The following PCDHA2 variants were observed in gnomAD, a reference collection of about 807,000 sequenced individuals.
PCDHA2 encodes the protein protocadherin alpha 2.
A neutral mutation model predicts 66.0 loss-of-function variants in PCDHA2; 58 were observed. The ratio of observed to expected loss-of-function variants is 0.88; its 90% CI spans 0.71 to 1.09. The LOEUF is 1.09. Ranked by LOEUF, PCDHA2 falls within the 50% of genes least tolerant of loss-of-function variation. The pLI is 0.00. For synonymous variants in PCDHA2, 634 were observed against 554.0 expected (o/e 1.14, Z -2.03); for missense variants, 1,267 against 1,242.3 (o/e 1.02, Z -0.30).
chr5:140,928,807 C>G (rs782261335), intron 1 of PCDHA2: 1 of 1,614,094 alleles, frequency 6.2e-7, no homozygotes, highest in Admixed American at 1.7e-5. Context: ...GGTAGTGGTT[C>G]GGGACCATGG....
In PCDHA2 at chr5:140,987,930, G is replaced by T. The variant is rs554856826; in HGVS notation, c.2536+5367G>T. Among the ~76,000 whole-genome samples, 18 of 152,196 alleles carry T rather than the reference G, an allele frequency of 1.2e-4. No individual in the cohort carries two copies. The South Asian group carries it at 2.1e-3, about 18-fold the overall frequency. Reference sequence around the variant, plus strand: ...GATTTATATTCTTAATTGTCTCAAGGATTCTTACCTGTCTGACAAAACCAA... The same window carrying T: ...GATTTATATTCTTAATTGTCTCAAGTATTCTTACCTGTCTGACAAAACCAA... On this transcript the variant is annotated intron_variant, in intron 3 of 3. Transcript: ENST00000526136.
At position 140,827,965 on chromosome 5, in the gene PCDHA2, T is replaced by C. The variant is rs2150149938; in HGVS notation, c.2388+30613T>C. ...CCAACATTCAAATTTCTTCTATTAC[T>C]GCATCATTCCCTGACTGTTGAATGA... On this transcript the variant is annotated intron_variant, in intron 1 of 3. Coordinates refer to ENST00000526136, the MANE Select transcript of PCDHA2 (RefSeq NM_018905.3). 6.1e-4 allele frequency: 813 copies of C among 1,335,936 alleles called. 3 individuals carry two copies. The highest frequency in any genetic ancestry group is 2.5e-3 in the South Asian group (173 of 69,782). 82.8% of individuals were successfully genotyped at this position (1,335,936 alleles called of 1,614,324 possible).
At chr5:140,982,711 A>T (rs370595783) in intron 3 of PCDHA2, 148 bp downstream of exon 3, 2 of 1,370,268 alleles carry the variant, frequency 1.5e-6, no homozygotes, top group African/African-American at 2.9e-5. Context: ...TTCCTTACAT[A>T]TATGATTATT....
At chr5:140,841,190 T>C (rs1442612057) in intron 1 of PCDHA2, 14 of 1,237,774 alleles carry the variant, frequency 1.1e-5, no homozygotes, top group Non-Finnish European at 1.6e-5. Context: ...TCAAAGTCTT[T>C]TCTCTGACAG....
intron 1 of PCDHA2, chr5:140,852,582 A>ATTTT (rs527656692): frequency 1.2e-5 from 8 of 693,586 alleles, no homozygotes; most frequent in Non-Finnish European, 1.4e-5. Flanking sequence ...AGGCTTTTTT[A>ATTTT]TTTTTTTTTT....
intron 1 of PCDHA2, chr5:140,843,545 T>C: frequency 2.5e-6 from 4 of 1,595,904 alleles, no homozygotes; most frequent in Non-Finnish European, 3.4e-6. Context: ...TCTGGTGTGC[T>C]CCAGTGCGGT....
At chr5:140,943,613 C>G (rs1490811039) in intron 1 of PCDHA2, among the ~76,000 whole-genome samples, 1 of 152,026 alleles carries the variant, frequency 6.6e-6, no homozygotes, top group African/African-American at 2.4e-5. Context: ...GACTTTGATT[C>G]ATCTGCATAA....
chr5:140,863,075 C>T (rs546237964), intron 1 of PCDHA2: 87 of 569,532 alleles, frequency 1.5e-4, no homozygotes, highest in South Asian at 9.6e-4. Flanking sequence ...GGGCTCTGCA[C>T]GGGCGAGATC....
chr5:140,818,631 G>A (rs1317233470), intron 1 of PCDHA2, among the ~76,000 whole-genome samples: 6 of 152,132 alleles, frequency 3.9e-5, no homozygotes, highest in Admixed American at 3.9e-4. Flanking sequence ...GAGCCCAGGA[G>A]TTCAAGATGA....
chr5:140,797,492 G>C (rs2149928688), intron 1 of PCDHA2, 140 bp downstream of exon 1: 1 of 990,348 alleles, frequency 1.0e-6, no homozygotes, highest in East Asian at 2.6e-5. Flanking sequence ...ATGAATTAGA[G>C]ATCAATTTAT....
chr5:140,853,424 G>C lies in PCDHA2; in HGVS notation c.2388+56072G>C, dbSNP rs112620213. On this transcript the variant is annotated intron_variant, in intron 1 of 3. Transcript: ENST00000526136. ...AAAACAGAGAGGTGAAAGCAGAAGA[G>C]ACACTTTCCTATTTTGCCTAATAGG... 9 of 986,044 alleles carry C rather than the reference G, an allele frequency of 9.1e-6. 1 individual carries two copies. In the African/African-American group the frequency reaches 1.4e-4, roughly 15 times the overall value. 61.1% of individuals were successfully genotyped at this position (986,044 alleles called of 1,614,324 possible).
intron 1 of PCDHA2, chr5:140,863,757 G>A (rs2048159267): frequency 4.1e-6 from 1 of 243,012 alleles, no homozygotes; most frequent in Non-Finnish European, 8.1e-6. Context: ...CCGGCACTTT[G>A]GGAAGCCGAG....
intron 1 of PCDHA2, chr5:140,967,045 C>T: frequency 6.2e-7 from 1 of 1,612,250 alleles, no homozygotes. Flanking sequence ...TGGAGCTGGA[C>T]CTGACGAGTG....
rs782253021 is a variant in PCDHA2, at chr5:140,836,724, T to A, written c.2388+39372T>A. 4.3e-6 allele frequency: 7 copies of A among 1,611,936 alleles called. No individual in the cohort carries two copies. The Admixed American group carries it at 5.0e-5, about 12-fold the overall frequency. On this transcript the variant is annotated intron_variant, in intron 1 of 3. Coordinates refer to ENST00000526136, the MANE Select transcript of PCDHA2 (RefSeq NM_018905.3). ...CAGTCCCAGCCTTCCTCAGGGTCCATCCTCTACAGACAATGTGAGTCATAA... is the reference window on the plus strand; with the variant it reads ...CAGTCCCAGCCTTCCTCAGGGTCCAACCTCTACAGACAATGTGAGTCATAA...
intron 1 of PCDHA2, chr5:140,968,847 A>G (rs781874732): frequency 8.7e-6 from 14 of 1,614,222 alleles, no homozygotes; most frequent in Middle Eastern, 1.6e-4. Context: ...ACTCAGAGGC[A>G]TGTTAAGAGC....
At chr5:140,882,699 A>C in intron 1 of PCDHA2, 3 of 1,614,184 alleles carry the variant, frequency 1.9e-6, no homozygotes, top group South Asian at 1.1e-5. Context: ...ATCATTGCAG[A>C]ATCTAGACCT....
At chr5:140,926,938 G>C in intron 1 of PCDHA2, 1 of 1,581,492 alleles carries the variant, frequency 6.3e-7, no homozygotes. Context: ...GGTTTCCTGC[G>C]GCGCTGCAGC....
chr5:140,870,642 C>A (rs373909591), intron 1 of PCDHA2: 2 of 1,612,746 alleles, frequency 1.2e-6, no homozygotes, highest in African/African-American at 1.3e-5. Context: ...ACGCGGAGAG[C>A]GGCAAGGTGT....
intron 3 of PCDHA2, among the ~76,000 whole-genome samples, chr5:140,989,792 C>T (rs1324674581): frequency 6.6e-6 from 1 of 152,142 alleles, no homozygotes; most frequent in African/African-American, 2.4e-5. Flanking sequence ...CTAGAGGCCC[C>T]CAGGAAAGGG....
Sources: gnomAD v4.1 joint callset for allele counts (sites outside exome capture counted in the v4.1 genomes callset) on GRCh38, gnomAD v4.1.1 for gene constraint, MANE v1.5 for transcripts, NCBI Gene and HGNC (gene_info 2026-07-23, HGNC 2026-07-21) for gene names.